ANK3: variants seen among roughly 807,000 people sequenced by gnomAD.
ANK3 encodes the protein ankyrin-3.
ANK3 carries 57 observed loss-of-function variants against 370.9 expected under a neutral mutation model. The ratio of observed to expected loss-of-function variants is 0.15; its 90% CI spans 0.12 to 0.19. The LOEUF is 0.19. Ranked by LOEUF, ANK3 falls within the 10% of genes least tolerant of loss-of-function variation. ANK3 has a pLI of 1.00. For missense variants in ANK3, 4,439 were observed against 5,302.1 expected, an observed-to-expected ratio of 0.84 and a Z score of 5.06; for synonymous variants, 1,929 against 1,946.3, an observed-to-expected ratio of 0.99 and a Z score of 0.23.
intron 2 of ANK3, among the ~76,000 whole-genome samples, chr10:60,437,958 T>C: frequency 6.6e-6 from 1 of 152,300 alleles, no homozygotes; most frequent in South Asian, 2.1e-4. Flanking sequence ...ACTCTATGCT[T>C]TTATTAAATT....
intron 1 of ANK3, among the ~76,000 whole-genome samples, chr10:60,658,024 T>A (rs1376723431): frequency 6.6e-6 from 1 of 151,908 alleles, no homozygotes; most frequent in Non-Finnish European, 1.5e-5. Flanking sequence ...AACTTTTTTT[T>A]TTTTTTGCTG....
At chr10:60,478,746 C>A (rs2075135264) in intron 2 of ANK3, among the ~76,000 whole-genome samples, 1 of 151,862 alleles carries the variant, frequency 6.6e-6, no homozygotes, top group Non-Finnish European at 1.5e-5. Context: ...CATGGAAAAC[C>A]AAATGGAGCA....
chr10:60,588,498 T>A (rs1389917373), intron 2 of ANK3, among the ~76,000 whole-genome samples: 1 of 151,994 alleles, frequency 6.6e-6, no homozygotes, highest in African/African-American at 2.4e-5. Context: ...CTCAGTTTAA[T>A]TATTATTATA....
intron 1 of ANK3, among the ~76,000 whole-genome samples, chr10:60,315,834 T>C (rs1247139337): frequency 1.3e-5 from 2 of 152,058 alleles, no homozygotes; most frequent in African/African-American, 4.8e-5. Context: ...CCAACCAGCA[T>C]GTTAAGGATT....
At chr10:60,306,886 C>T (rs1170778005) in intron 1 of ANK3, among the ~76,000 whole-genome samples, 1 of 152,108 alleles carries the variant, frequency 6.6e-6, no homozygotes, top group African/African-American at 2.4e-5. Flanking sequence ...GTGTGAGCTA[C>T]CACATCCATC....
intron 1 of ANK3, among the ~76,000 whole-genome samples, chr10:60,665,212 T>A (rs906355477): frequency 6.6e-5 from 10 of 152,158 alleles, no homozygotes; most frequent in African/African-American, 1.7e-4. Context: ...CTGTTAAAAA[T>A]TTATTTTTAA....
At chr10:60,084,048 G>T (rs1211055197) in intron 32 of ANK3, 2 of 155,138 alleles carry the variant, frequency 1.3e-5, no homozygotes, top group African/African-American at 4.8e-5. Context: ...CAGGAAAATG[G>T]AGACCATAAC....
chr10:60,221,070 T>G (rs1031667562), intron 8 of ANK3, among the ~76,000 whole-genome samples: 3 of 142,472 alleles, frequency 2.1e-5, no homozygotes, highest in Admixed American at 7.5e-5. Context: ...ATACATATTT[T>G]TTGTTGATTT....
At chr10:60,500,821 C>T (rs2075777041) in intron 2 of ANK3, among the ~76,000 whole-genome samples, 1 of 152,152 alleles carries the variant, frequency 6.6e-6, no homozygotes, top group Non-Finnish European at 1.5e-5. Flanking sequence ...AATATTTTTC[C>T]TTCAAGGCCC....
chr10:60,575,359 G>A (rs1260075951), intron 2 of ANK3, among the ~76,000 whole-genome samples: 1 of 151,816 alleles, frequency 6.6e-6, no homozygotes, highest in Non-Finnish European at 1.5e-5. Context: ...AAGGACGTTT[G>A]AAGACTGGAT....
Position 60,074,013 on chromosome 10 carries a change from G to C in ANK3, c.6868C>G (p.Leu2290Val). Residue 2290 changes from leucine to valine, a missense_variant, in exon 37 of 44, where the codon CTG (leucine) becomes GTG (valine). Leu to Val is a conservative substitution (Grantham distance 32, BLOSUM62 1). Transcript: ENST00000280772. ...FQSGRDPSKE[L>V]AGLFEHKSAV... ...GACTTATGTTCAAACAGACCTGCCA[G>C]TTCTTTGGAAGGATCCCGCCCGGAC... is the stretch of plus-strand genomic sequence containing the variant. The C allele has an allele frequency of 1.2e-6, 2 of 1,614,112 alleles. No homozygotes were observed. Among genetic ancestry groups the C allele is most frequent in the Non-Finnish European group, 1.7e-6 (2 of 1,180,002 alleles).
At chr10:60,667,320 G>T (rs1384763163) in intron 1 of ANK3, among the ~76,000 whole-genome samples, 1 of 151,036 alleles carries the variant, frequency 6.6e-6, no homozygotes, top group African/African-American at 2.4e-5. Flanking sequence ...CTAAGAGAAT[G>T]TAGAAAGGCC....
intron 2 of ANK3, among the ~76,000 whole-genome samples, chr10:60,458,332 A>T (rs2064800628): frequency 6.6e-6 from 1 of 152,142 alleles, no homozygotes; most frequent in African/African-American, 2.4e-5. Flanking sequence ...GTACTCCATA[A>T]TTCCATTTAC....
intron 2 of ANK3, among the ~76,000 whole-genome samples, chr10:60,408,393 G>A (rs1314910018): frequency 3.3e-5 from 5 of 152,008 alleles, no homozygotes; most frequent in Admixed American, 6.6e-5. Context: ...CATGAGATCC[G>A]GTTGTTTAAA....
chr10:60,130,983 A>C (rs1200420042), intron 25 of ANK3, among the ~76,000 whole-genome samples: 2 of 152,230 alleles, frequency 1.3e-5, no homozygotes, highest in Non-Finnish European at 2.9e-5. Flanking sequence ...TTCAACAATT[A>C]ACATTGCTAT....
intron 1 of ANK3, among the ~76,000 whole-genome samples, chr10:60,340,620 C>T (rs1447196485): frequency 6.6e-6 from 1 of 152,054 alleles, no homozygotes; most frequent in Non-Finnish European, 1.5e-5. Flanking sequence ...CCATGTTGGC[C>T]ATGCTGGTCT....
chr10:60,243,340 G>A (rs1393103865), intron 7 of ANK3, among the ~76,000 whole-genome samples: 1 of 152,160 alleles, frequency 6.6e-6, no homozygotes. Context: ...GTCCTTGGCA[G>A]GGATTAATGA....
intron 2 of ANK3, among the ~76,000 whole-genome samples, chr10:60,598,000 A>T (rs764715349): frequency 2.6e-5 from 4 of 152,216 alleles, no homozygotes; most frequent in Admixed American, 2.6e-4. Context: ...ATGCTAAAGA[A>T]TATTCAATAC....
In ANK3 at chr10:60,059,459, T is replaced by C. The variant is rs757125557; in HGVS notation, c.12596-29A>G. ...TAATTGAAGACATTTCCAGTTCTGC[T>C]TGCTGAACACGCTTAAGAATAGCCT... On this transcript the variant is annotated intron_variant, in intron 40 of 43. Coordinates refer to ENST00000280772, the MANE Select transcript of ANK3 (RefSeq NM_020987.5). 1.1e-5 allele frequency: 18 copies of C among 1,566,954 alleles called. No homozygotes were observed. The South Asian group carries it at 1.9e-4, about 16-fold the overall frequency.
Sources: allele counts gnomAD v4.1 joint callset (sites outside exome capture counted in the v4.1 genomes callset), GRCh38; gene constraint gnomAD v4.1.1; transcripts MANE v1.5; gene names NCBI Gene and HGNC (gene_info 2026-07-23, HGNC 2026-07-21).